Variants in SALL2 observed in about 807,000 individuals in gnomAD.
The protein encoded by SALL2 is spalt like transcription factor 2.
Under a neutral mutation model 58.5 loss-of-function variants are expected in SALL2, and 32 were observed. The observed-to-expected ratio is 0.55, with a 90% CI of 0.41 to 0.74. The LOEUF (loss-of-function observed/expected upper bound fraction) is 0.74, where lower values mean the gene tolerates loss of function less well. Ranked by LOEUF, SALL2 falls within the 30% of genes least tolerant of loss-of-function variation. SALL2 has a pLI of 0.00. For synonymous variants in SALL2, 516 were observed against 513.6 expected (o/e 1.00, Z -0.06); for missense variants, 1,201 against 1,268.9 (o/e 0.95, Z 0.81).
At position 21,524,863 on chromosome 14, in the gene SALL2, C is replaced by A. The variant is rs1187820338; in HGVS notation, c.859G>T (p.Ala287Ser). ...TTGTGGCTTCGCCCAACCCCTCCAG[C>A]AGAGAAAGGATGCTGTGACCCCAGT... ...HPLGSQHPFS[A>S]GGVGRSHKPT... Residue 287 changes from alanine to serine, a missense_variant, in exon 2 of 2, where the codon GCT becomes TCT. Physicochemically the swap from Ala to Ser is moderately conservative, Grantham distance 99. Around this residue, in one of 3 missense-constraint regions of SALL2, gnomAD observed 467 missense variants for 468.9 expected, o/e 1.00. Transcript: ENST00000537235. 6.2e-7 allele frequency: 1 copy of A among 1,613,786 alleles called. No individual in the cohort carries two copies. Among genetic ancestry groups the A allele is most frequent in the African/African-American group, 1.3e-5 (1 of 74,936 alleles).
chr14:21,524,818 G>A lies in SALL2; in HGVS notation c.904C>T (p.Pro302Ser). The A allele has an allele frequency of 6.2e-7, 1 of 1,611,130 alleles. No homozygotes were observed. Among genetic ancestry groups the A allele is most frequent in the Non-Finnish European group, 8.5e-7 (1 of 1,178,552 alleles). ...RSHKPTPAPS[P>S]ALPGSTDQLI... ...TGATCTGTGCTGCCTGGCAAGGCTG[G>A]GGAAGGGGCAGGGGTGGGTTTGTGG... Residue 302 changes from proline to serine, a missense_variant, in exon 2 of 2, where the codon CCA becomes TCA. Pro to Ser is a moderately conservative substitution (Grantham distance 74). Coordinates refer to ENST00000537235, the MANE Select transcript of SALL2 (RefSeq NM_001364564.1).
chr14:21,532,655 T>A lies in SALL2; in HGVS notation c.-114+4307A>T, dbSNP rs75194914. On this transcript the variant is annotated intron_variant, in intron 1 of 1. Coordinates refer to the SALL2 transcript ENST00000541965. ...ACTTGGTCTCAAAAAAAGAAAAAAA[T>A]TTTTTTTGTAATAATAAGGGAGTTG... 4.7e-4 allele frequency among the ~76,000 whole-genome samples: 68 copies of A among 143,220 alleles called. No homozygotes were observed. The East Asian group carries it at 8.6e-3, about 18-fold the overall frequency. 94.0% of individuals were successfully genotyped at this position (143,220 alleles called of 152,430 possible).
At position 21,524,830 on chromosome 14, in the gene SALL2, G is replaced by T. The variant is rs765997945; in HGVS notation, c.892C>A (p.Pro298Thr). 3 of 1,612,286 alleles carry T rather than the reference G, an allele frequency of 1.9e-6. No homozygotes were observed. The highest frequency in any genetic ancestry group is 2.7e-5 in the African/African-American group (2 of 74,948). ...CCTGGCAAGGCTGGGGAAGGGGCAG[G>T]GGTGGGTTTGTGGCTTCGCCCAACC... ...GGVGRSHKPT[P>T]APSPALPGST... Residue 298 changes from proline (P) to threonine (T), a missense_variant, in exon 2 of 2, where the codon CCT (proline) becomes ACT (threonine). By Grantham distance (38) the Pro-to-Thr change is conservative. Coordinates refer to ENST00000537235, the MANE Select transcript of SALL2 (RefSeq NM_001364564.1).
chr14:21,528,502 C>T (rs1340345683), upstream of SALL2, among the ~76,000 whole-genome samples: 1 of 152,118 alleles, frequency 6.6e-6, no homozygotes, highest in Non-Finnish European at 1.5e-5. Flanking sequence ...TGTTTTGAAA[C>T]TTCAGATAAT....
Position 21,524,169 on chromosome 14 carries a change from T to C in SALL2, c.1553A>G (p.Lys518Arg). 1 of 1,612,518 alleles carries C rather than the reference T, an allele frequency of 6.2e-7. No homozygotes were observed. The highest frequency in any genetic ancestry group is 8.5e-7 in the Non-Finnish European group (1 of 1,179,210). The change falls in exon 2 of 2, where the codon AAG (lysine) becomes AGG (arginine). Residue 518 changes from lysine (K) to arginine (R), a missense_variant. By Grantham distance (26) the Lys-to-Arg change is conservative. Coordinates refer to ENST00000537235, the MANE Select transcript of SALL2 (RefSeq NM_001364564.1). ...GGGGGTGTTTTCATCAGCTTTATTC[T>C]TGGGTTCCACTGCTTTCATGAGCAC... ...KFVLMKAVEP[K>R]NKADENTPPG...
chr14:21,532,545 G>T (rs1566518501), intron 1 of SALL2, among the ~76,000 whole-genome samples: 1 of 152,176 alleles, frequency 6.6e-6, no homozygotes, highest in Non-Finnish European at 1.5e-5. Flanking sequence ...GGAGGCTGAG[G>T]CAGGAGAATC....
rs1279793908 is a variant in SALL2 at position 21,534,657 on chromosome 14, G to A, written c.-114+2305C>T. On this transcript the variant is annotated intron_variant, in intron 1 of 1. Coordinates refer to the SALL2 transcript ENST00000541965. ...AGAATGCTTCTTGGGGGTTTGGAGG[G>A]GTGTTCAGCATAGTTCCACAATCAA... Among the ~76,000 whole-genome samples the A allele has an allele frequency of 2.0e-5, 3 of 152,002 alleles. No individual in the cohort carries two copies. The East Asian group carries it at 5.8e-4, about 29-fold the overall frequency.
At chr14:21,531,790 T>C (rs71418237) in intron 1 of SALL2, among the ~76,000 whole-genome samples, 6,000 of 74,648 alleles carry the variant, frequency 0.08, 216 homozygotes, top group Middle Eastern at 0.2. Flanking sequence ...AGTGCAATGG[T>C]GTGATCTCGG....
intron 1 of SALL2, among the ~76,000 whole-genome samples, chr14:21,535,358 G>GA (rs888235899): frequency 2.8e-5 from 4 of 141,602 alleles, no homozygotes; most frequent in South Asian, 2.3e-4. Flanking sequence ...AAAAAAAAAA[G>GA]AAAAAAAGAA....
At chr14:21,527,421 A>AGTGCTTCCC (rs200554574), upstream of SALL2, among the ~76,000 whole-genome samples, 1,264 of 152,320 alleles carry the variant, frequency 8.3e-3, 19 homozygotes, top group African/African-American at 0.029. Flanking sequence ...TGAGTCTTAA[A>AGTGCTTCCC]GTGCTTCCCA....
intron 1 of SALL2, among the ~76,000 whole-genome samples, chr14:21,532,193 G>T (rs1892483425): frequency 6.6e-6 from 1 of 152,102 alleles, no homozygotes; most frequent in Non-Finnish European, 1.5e-5. Context: ...AGACACAAAA[G>T]GACAAATATT....
chr14:21,530,747 C>CT (rs757300116), upstream of SALL2, among the ~76,000 whole-genome samples: 8 of 152,126 alleles, frequency 5.3e-5, no homozygotes, highest in East Asian at 5.8e-4. Flanking sequence ...ATAGCTGGGA[C>CT]TACAGGCATG....
chr14:21,522,818 G>A lies in SALL2; in HGVS notation c.2904C>T (p.Ala968=), dbSNP rs528335397. The A allele has an allele frequency of 8.1e-6, 13 of 1,608,658 alleles. No homozygotes were observed. In the African/African-American group the frequency reaches 1.6e-4, roughly 20 times the overall value. Residue 968 remains alanine, a synonymous_variant, in exon 2 of 2, where the codon GCC becomes GCT. Coordinates refer to ENST00000537235, the MANE Select transcript of SALL2 (RefSeq NM_001364564.1). ...CAGCAATATTCTGAGGGCCATGGGG[G>A]GCAAAGGGCTGTACCTGGTGGTGTG... is the stretch of plus-strand genomic sequence containing the variant. ...LLAHHQVQPF[A]PHGPQNIAAL... is the part of the protein sequence containing the mutation.
Position 21,524,623 on chromosome 14 carries a change from G to C in SALL2, c.1099C>G (p.Pro367Ala). 6.2e-7 allele frequency: 1 copy of C among 1,614,184 alleles called. No homozygotes were observed. Among genetic ancestry groups the C allele is most frequent in the South Asian group, 1.1e-5 (1 of 91,084 alleles). Residue 367 changes from proline to alanine, a missense_variant, in exon 2 of 2, where the codon CCT (proline) becomes GCT (alanine). Transcript: ENST00000537235. ...YGEVMGPLEKPGGRHKCRFCA... is the reference protein window; with the variant it reads ...YGEVMGPLEKAGGRHKCRFCA... The stretch of plus-strand genomic sequence containing the variant: ...AAGCGGCATTTGTGCCTTCCACCAG[G>C]CTTCTCCAAGGGACCCATCACTTCT...
chr14:21,524,494 T>G lies in SALL2; in HGVS notation c.1228A>C (p.Thr410Pro). The G allele has an allele frequency of 6.2e-7, 1 of 1,614,216 alleles. No individual in the cohort carries two copies. The highest frequency in any genetic ancestry group is 8.5e-7 in the Non-Finnish European group (1 of 1,180,038). Residue 410 changes from threonine to proline, a missense_variant, in exon 2 of 2, where the codon ACC (threonine) becomes CCC (proline). By Grantham distance (38) the Thr-to-Pro change is conservative. Transcript: ENST00000537235. ...AAATGCACTTTGAGGTTGCCACGGG[T>G]GGTAAAACGGTTTCCACAGACATTG... ...KCNVCGNRFT[T>P]RGNLKVHFHR...
rs760968427 is a variant in SALL2 at position 21,523,979 on chromosome 14, C to T, written c.1743G>A (p.Gly581=). The T allele has an allele frequency of 4.8e-5, 77 of 1,614,154 alleles. No homozygotes were observed. In the East Asian group the frequency reaches 1.7e-3, roughly 35 times the overall value. ...GCTTTGATGTCTCAGAGGGTGAGGCCCCCAAGGGCTCTAGCACATAGGGGA... is the reference window on the plus strand; with the variant it reads ...GCTTTGATGTCTCAGAGGGTGAGGCTCCCAAGGGCTCTAGCACATAGGGGA... The part of the protein sequence containing the change: ...FPFPYVLEPL[G]ASPSETSKLQ... The change falls in exon 2 of 2, where the codon GGG becomes GGA. Residue 581 remains glycine (G), a synonymous_variant. Coordinates refer to ENST00000537235, the MANE Select transcript of SALL2 (RefSeq NM_001364564.1). The surrounding 1 kb of genome is among the most constrained non-coding windows in gnomAD (Gnocchi z 4.4).
intron 1 of SALL2, among the ~76,000 whole-genome samples, chr14:21,535,345 A>T (rs1207908560): frequency 9.9e-6 from 1 of 100,810 alleles, no homozygotes; most frequent in Non-Finnish European, 2.1e-5. Context: ...ACTCTCTCTC[A>T]AAAAAAAAAA....
chr14:21,523,335 A>C lies in SALL2; in HGVS notation c.2387T>G (p.Val796Gly), dbSNP rs770770182. The C allele has an allele frequency of 6.2e-7, 1 of 1,613,320 alleles. No homozygotes were observed. The highest frequency in any genetic ancestry group is 1.1e-5 in the South Asian group (1 of 91,048). Reference protein sequence around the residue: ...SESGGEKAISVRGDSEEASGA... With the variant: ...SESGGEKAISGRGDSEEASGA... ...AGATGCCTCTTCTGAATCACCTCTC[A>C]CTGATATTGCCTTCTCACCTCCACT... Residue 796 changes from valine (V) to glycine (G), a missense_variant, in exon 2 of 2, where the codon GTG becomes GGG. Coordinates refer to ENST00000537235, the MANE Select transcript of SALL2 (RefSeq NM_001364564.1). This position sits in a 1 kb window ranked among gnomAD's most constrained non-coding sequence, Gnocchi z 4.4.
At chr14:21,537,113 C>T (rs1173075241), upstream of SALL2, 2 of 584,508 alleles carry the variant, frequency 3.4e-6, no homozygotes, top group Middle Eastern at 5.5e-4. Flanking sequence ...CTGTTCTTGA[C>T]TCTCTCTCTT....
Sources: gnomAD v4.1 joint callset for allele counts (sites outside exome capture counted in the v4.1 genomes callset) on GRCh38, gnomAD v4.1.1 for gene constraint, gnomAD v4.1.1 regional missense constraint, Gnocchi (gnomAD v3.1) non-coding constraint, MANE v1.5 for transcripts, NCBI Gene and HGNC (gene_info 2026-07-23, HGNC 2026-07-21) for gene names.